The following SLC10A2 variants were observed in gnomAD, a reference collection of about 807,000 sequenced individuals.
SLC10A2 encodes the protein ileal sodium/bile acid cotransporter.
Under a neutral mutation model 27.1 loss-of-function variants are expected in SLC10A2, and 34 were observed. That is an observed-to-expected ratio of 1.26 (90% CI 0.96 to 1.67). The LOEUF (loss-of-function observed/expected upper bound fraction) is 1.67, where lower values mean the gene tolerates loss of function less well. Among genes scored for constraint, SLC10A2 ranks in the 40% most tolerant of loss-of-function variants. SLC10A2 has a pLI of 0.00. For synonymous variants in SLC10A2, 205 were observed against 174.0 expected, an observed-to-expected ratio of 1.18 and a Z score of -1.40; for missense variants, 530 against 444.4, an observed-to-expected ratio of 1.19 and a Z score of -1.73.
At position 103,046,154 on chromosome 13, in the gene SLC10A2, T is replaced by A; in HGVS notation, c.1026A>T (p.Gly342=). The change falls in exon 6 of 6, where the codon GGA becomes GGT. Residue 342 remains glycine (G), a synonymous_variant. Coordinates refer to ENST00000245312, the MANE Select transcript of SLC10A2 (RefSeq NM_000452.3). ...PESSFYKANG[G]FQPDEK ...ATGTCTACTTTTCGTCAGGTTGAAA[T>A]CCTCCATTTGCCTTATAAAACGATG... is the stretch of plus-strand genomic sequence containing the variant. 1 of 1,613,940 alleles carries A rather than the reference T, an allele frequency of 6.2e-7. No individual in the cohort carries two copies. Among genetic ancestry groups the A allele is most frequent in the Non-Finnish European group, 8.5e-7 (1 of 1,179,848 alleles).
At chr13:103,064,171 T>C (rs1876207170) in intron 1 of SLC10A2, among the ~76,000 whole-genome samples, 1 of 152,192 alleles carries the variant, frequency 6.6e-6, no homozygotes, top group East Asian at 1.9e-4. Context: ...GGGCTTATTT[T>C]GACTTGCTGG....
At chr13:103,049,123 C>T (rs1404530505) in intron 5 of SLC10A2, among the ~76,000 whole-genome samples, 166 bp downstream of exon 5, 2 of 152,196 alleles carry the variant, frequency 1.3e-5, no homozygotes, top group Non-Finnish European at 1.5e-5. Flanking sequence ...AAACTACCAT[C>T]TTTTCATCAG....
rs183733649 is a variant in SLC10A2 at position 103,050,260 on chromosome 13, T to C, written c.762-814A>G. The stretch of plus-strand genomic sequence containing the variant: ...TCAGAGAAAGAGTGAATGCTGGGCC[T>C]GAGGTCCCCCGGGCAGTGTGTGGTC... On this transcript the variant is annotated intron_variant, in intron 4 of 5. Coordinates refer to ENST00000245312, the MANE Select transcript of SLC10A2 (RefSeq NM_000452.3). 6.3e-4 allele frequency among the ~76,000 whole-genome samples: 96 copies of C among 152,334 alleles called. 1 individual carries two copies. Among genetic ancestry groups the C allele is most frequent in the African/African-American group, 2.1e-3 (89 of 41,578 alleles).
intron 2 of SLC10A2, 147 bp from the exon 3 acceptor site, chr13:103,052,855 C>A (rs1488602221): frequency 1.5e-6 from 1 of 677,652 alleles, no homozygotes; most frequent in Non-Finnish European, 2.7e-6. Flanking sequence ...ATTACACACA[C>A]ACACATGCAC....
At chr13:103,063,029 C>T (rs1876170281) in intron 1 of SLC10A2, among the ~76,000 whole-genome samples, 1 of 152,130 alleles carries the variant, frequency 6.6e-6, no homozygotes, top group Admixed American at 6.5e-5. Flanking sequence ...GCAGATTCAC[C>T]TGAAAAGTCA....
intron 2 of SLC10A2, among the ~76,000 whole-genome samples, chr13:103,054,164 T>C (rs1875872778): frequency 6.6e-6 from 1 of 152,098 alleles, no homozygotes; most frequent in African/African-American, 2.4e-5. Flanking sequence ...TGAGTTCTCA[T>C]GTGATCTGGT....
At chr13:103,046,918 G>C (rs924200746) in intron 5 of SLC10A2, among the ~76,000 whole-genome samples, 2 of 152,162 alleles carry the variant, frequency 1.3e-5, no homozygotes, top group African/African-American at 4.8e-5. Context: ...TGGAGGAAAG[G>C]GTGGTTTCAA....
intron 3 of SLC10A2, among the ~76,000 whole-genome samples, chr13:103,051,875 TG>T (rs1875793431): frequency 6.6e-6 from 1 of 152,180 alleles, no homozygotes; most frequent in African/African-American, 2.4e-5. Flanking sequence ...GTTACGATAA[TG>T]AGAAAATGGG....
intron 5 of SLC10A2, among the ~76,000 whole-genome samples, chr13:103,046,463 T>G (rs1261368531): frequency 1.3e-5 from 2 of 152,184 alleles, no homozygotes; most frequent in African/African-American, 4.8e-5. Flanking sequence ...AGACCTAGCA[T>G]AAATCTTTAG....
In SLC10A2 at chr13:103,058,368, G is replaced by A. The variant is rs1193458430; in HGVS notation, c.392C>T (p.Thr131Ile). ...GDMDLSVSMTTCSTLLALGMM... is the reference protein window; with the variant it reads ...GDMDLSVSMTICSTLLALGMM... ...TCCGAGGGCAAGCAGTGTGGAGCAT[G>A]TGGTCATGCTGACGCTGAAAGGCAA... Residue 131 changes from threonine to isoleucine, a missense_variant, in exon 2 of 6, where the codon ACA (threonine) becomes ATA (isoleucine). By Grantham distance (89) the Thr-to-Ile change is moderately conservative. Coordinates refer to ENST00000245312, the MANE Select transcript of SLC10A2 (RefSeq NM_000452.3). 1 of 1,612,314 alleles carries A rather than the reference G, an allele frequency of 6.2e-7. No individual in the cohort carries two copies. Among genetic ancestry groups the A allele is most frequent in the East Asian group, 2.2e-5 (1 of 44,864 alleles).
chr13:103,065,864 T>A lies in SLC10A2; in HGVS notation c.377+9A>T. On this transcript the variant is annotated intron_variant, in intron 1 of 5. Transcript: ENST00000245312. Reference sequence around the variant, plus strand: ...TGATTGCAGTAGTTAGAGGTATAGATAATCTTACCTCAGGTCCATGTCGCC... The same window carrying A: ...TGATTGCAGTAGTTAGAGGTATAGAAAATCTTACCTCAGGTCCATGTCGCC... 1 of 1,613,988 alleles carries A rather than the reference T, an allele frequency of 6.2e-7. No homozygotes were observed. The highest frequency in any genetic ancestry group is 8.5e-7 in the Non-Finnish European group (1 of 1,180,004).
At chr13:103,064,610 A>G (rs545915461) in intron 1 of SLC10A2, among the ~76,000 whole-genome samples, 82 of 152,312 alleles carry the variant, frequency 5.4e-4, no homozygotes, top group African/African-American at 1.8e-3. Flanking sequence ...GGCATTTAGA[A>G]TTCTCACTTC....
Position 103,046,004 on chromosome 13 carries a change from T to G in SLC10A2, c.*129A>C. 1 of 1,099,914 alleles carries G rather than the reference T, an allele frequency of 9.1e-7. No homozygotes were observed. Among genetic ancestry groups the G allele is most frequent in the Non-Finnish European group, 1.4e-6 (1 of 738,758 alleles). The allele number at this position is 1,099,914 out of a possible 1,614,324, so 68.1% of individuals were successfully genotyped here. Reference sequence around the variant, plus strand: ...GTCACTTGGTACTGAAACCAATACATGAATTCCAATGAAATTCCAATTTTC... The same window carrying G: ...GTCACTTGGTACTGAAACCAATACAGGAATTCCAATGAAATTCCAATTTTC... On this transcript the variant is annotated 3_prime_UTR_variant, in exon 6 of 6. Transcript: ENST00000245312.
intron 4 of SLC10A2, 62 bp downstream of exon 4, chr13:103,051,195 G>A: frequency 1.3e-6 from 2 of 1,550,858 alleles, no homozygotes; most frequent in Non-Finnish European, 1.8e-6. Flanking sequence ...GGCACCTCTA[G>A]CAAAGGAATA....
At chr13:103,063,810 T>G (rs1876197322) in intron 1 of SLC10A2, among the ~76,000 whole-genome samples, 1 of 152,162 alleles carries the variant, frequency 6.6e-6, no homozygotes, top group East Asian at 1.9e-4. Context: ...GACCAGAGAC[T>G]GGAATAAGTG....
chr13:103,051,469 G>C (rs1875780696), intron 3 of SLC10A2, 37 bp from the exon 4 acceptor site: 1 of 1,607,794 alleles, frequency 6.2e-7, no homozygotes. Flanking sequence ...CAGCAATCAT[G>C]AGTCAAAGCA....
At chr13:103,052,165 T>C (rs1450756816) in intron 3 of SLC10A2, among the ~76,000 whole-genome samples, 1 of 152,252 alleles carries the variant, frequency 6.6e-6, no homozygotes, top group Non-Finnish European at 1.5e-5. Context: ...AGATATGTTC[T>C]ATTTTCTAAG....
intron 3 of SLC10A2, 24 bp from the exon 4 acceptor site, chr13:103,051,456 A>T: frequency 6.2e-7 from 1 of 1,612,990 alleles, no homozygotes; most frequent in Non-Finnish European, 8.5e-7. Flanking sequence ...GAATAAGTGA[A>T]CCCAGCAATC....
At chr13:103,062,378 G>T (rs940281062) in intron 1 of SLC10A2, among the ~76,000 whole-genome samples, 3 of 152,206 alleles carry the variant, frequency 2.0e-5, no homozygotes, top group African/African-American at 4.8e-5. Context: ...TTCATTATCT[G>T]CCAAATGCAG....
Sources: allele counts gnomAD v4.1 joint callset (sites outside exome capture counted in the v4.1 genomes callset), GRCh38; gene constraint gnomAD v4.1.1; transcripts MANE v1.5; gene names NCBI Gene and HGNC (gene_info 2026-07-23, HGNC 2026-07-21).